Variants in ANO5 observed in about 807,000 individuals in gnomAD.
ANO5 encodes the protein anoctamin-5.
A neutral mutation model predicts 121.0 loss-of-function variants in ANO5; 109 were observed. The ratio of observed to expected loss-of-function variants is 0.90; its 90% CI spans 0.77 to 1.06. The LOEUF is 1.06. Among genes scored for constraint, ANO5 ranks in the 50% least tolerant of loss-of-function variants. The pLI, the probability that ANO5 is intolerant of heterozygous loss-of-function variation, is 0.00. For missense variants in ANO5, 1,064 were observed against 1,078.5 expected, an observed-to-expected ratio of 0.99 and a Z score of 0.19; for synonymous variants, 406 against 359.9, an observed-to-expected ratio of 1.13 and a Z score of -1.45.
chr11:22,234,005 G>A (rs769052883), intron 7 of ANO5, among the ~76,000 whole-genome samples: 6 of 152,026 alleles, frequency 3.9e-5, no homozygotes, highest in Non-Finnish European at 5.9e-5. Flanking sequence ...TTCATCTCCT[G>A]TCATAATTCT....
intron 17 of ANO5, among the ~76,000 whole-genome samples, chr11:22,268,479 A>C (rs1486711096): frequency 2.0e-5 from 3 of 152,186 alleles, no homozygotes; most frequent in Non-Finnish European, 4.4e-5. Flanking sequence ...GGTGTATAGG[A>C]ATGAAATATA....
intron 21 of ANO5, 56 bp from the exon 22 acceptor site, chr11:22,279,488 T>C (rs1475079260): frequency 7.0e-7 from 1 of 1,429,916 alleles, no homozygotes; most frequent in Non-Finnish European, 9.8e-7. Context: ...AAAGACTTTC[T>C]GCTGAGCATG....
intron 19 of ANO5, 90 bp downstream of exon 19, chr11:22,273,079 C>A (rs1319254408): frequency 3.8e-6 from 5 of 1,300,384 alleles, no homozygotes; most frequent in Non-Finnish European, 5.6e-6. Context: ...TACATGATTT[C>A]ATTATGGTGA....
chr11:22,239,457 G>A, intron 8 of ANO5, 112 bp from the exon 9 acceptor site: 2 of 757,436 alleles, frequency 2.6e-6, no homozygotes, highest in Non-Finnish European at 4.7e-6. Context: ...AAATCTAAAA[G>A]TAAAAGAAAA....
intron 13 of ANO5, among the ~76,000 whole-genome samples, chr11:22,257,269 A>T (rs562525419): frequency 6.6e-6 from 1 of 152,174 alleles, no homozygotes; most frequent in Non-Finnish European, 1.5e-5. Flanking sequence ...TGAAAAATAT[A>T]AAGAAAGCAT....
intron 19 of ANO5, among the ~76,000 whole-genome samples, chr11:22,273,444 A>G (rs1314845375): frequency 6.6e-6 from 1 of 152,162 alleles, no homozygotes; most frequent in African/African-American, 2.4e-5. Context: ...ATAATAAGAT[A>G]ATCAAAAAGA....
At chr11:22,251,202 T>C (rs2133705821) in intron 12 of ANO5, among the ~76,000 whole-genome samples, 191 bp downstream of exon 12, 2 of 152,350 alleles carry the variant, frequency 1.3e-5, no homozygotes, top group South Asian at 4.1e-4. Context: ...AAGGTCTCTG[T>C]TAAACATCAG....
chr11:22,248,180 A>G (rs183146061), intron 9 of ANO5, among the ~76,000 whole-genome samples: 1 of 152,242 alleles, frequency 6.6e-6, no homozygotes, highest in East Asian at 1.9e-4. Context: ...CATCTTGGAA[A>G]TACAAAATGA....
rs555761445 is a variant in ANO5, at chr11:22,257,597, G to C, written c.1333-83G>C. On this transcript the variant is annotated intron_variant, in intron 13 of 21. Transcript: ENST00000324559. ...TTTTGGGAGACTCCTACTTTAACTG[G>C]GCTCTGTGATATTGACTAGTGCTTG... The C allele has an allele frequency of 1.5e-4, 169 of 1,128,332 alleles. No homozygotes were observed. In the African/African-American group the frequency reaches 2.4e-3, roughly 16 times the overall value. The allele number at this position is 1,128,332 out of a possible 1,614,324, so 69.9% of individuals were successfully genotyped here.
intron 17 of ANO5, among the ~76,000 whole-genome samples, chr11:22,268,421 T>C (rs1564947426): frequency 6.8e-6 from 1 of 147,098 alleles, no homozygotes; most frequent in Admixed American, 6.6e-5. Context: ...ATTGCTATTG[T>C]AAATGATATC....
intron 1 of ANO5, among the ~76,000 whole-genome samples, chr11:22,201,843 C>G (rs2133510823): frequency 6.6e-6 from 1 of 152,282 alleles, no homozygotes; most frequent in South Asian, 2.1e-4. Context: ...GGGCCTACCT[C>G]TCAACATTGT....
chr11:22,239,555 T>A lies in ANO5; in HGVS notation c.763-14T>A. On this transcript the variant is annotated splice_polypyrimidine_tract_variant and intron_variant, in intron 8 of 21. Transcript: ENST00000324559. ...GCTTCGTCTTTTATGTACCCTCCTCTTGAATATCTGCAGGGCCAATATTGG... is the reference window on the plus strand; with the variant it reads ...GCTTCGTCTTTTATGTACCCTCCTCATGAATATCTGCAGGGCCAATATTGG... 6.3e-7 allele frequency: 1 copy of A among 1,580,038 alleles called. No homozygotes were observed. Among genetic ancestry groups the A allele is most frequent in the Non-Finnish European group, 8.7e-7 (1 of 1,149,264 alleles).
chr11:22,205,338 T>C (rs10833719), intron 2 of ANO5, among the ~76,000 whole-genome samples: 63,453 of 151,854 alleles, frequency 0.42, 15,428 homozygotes, highest in Non-Finnish European at 0.56. Context: ...CTTGTATCTC[T>C]GGACTTAAAC....
rs1379596790 is a variant in ANO5 at position 22,262,406 on chromosome 11, T to G, written c.1800+108T>G. On this transcript the variant is annotated intron_variant, in intron 16 of 21. Coordinates refer to ENST00000324559, the MANE Select transcript of ANO5 (RefSeq NM_213599.3). ...ATGCTAAAAAATTACAAAATATATC[T>G]AGGCACTGACTCTATCCACAGAGAG... 7 of 1,154,132 alleles carry G rather than the reference T, an allele frequency of 6.1e-6. No homozygotes were observed. The Admixed American group carries it at 1.3e-4, about 22-fold the overall frequency. 71.5% of individuals were successfully genotyped at this position (1,154,132 alleles called of 1,614,324 possible).
intron 4 of ANO5, among the ~76,000 whole-genome samples, chr11:22,219,453 A>G (rs573999483): frequency 6.6e-6 from 1 of 152,234 alleles, no homozygotes; most frequent in South Asian, 2.1e-4. Flanking sequence ...CAATACAAGT[A>G]CCTGTAAATA....
intron 17 of ANO5, among the ~76,000 whole-genome samples, chr11:22,267,913 A>G (rs762434288): frequency 2.6e-5 from 4 of 152,148 alleles, no homozygotes; most frequent in Non-Finnish European, 5.9e-5. Context: ...CTCCAGCTCC[A>G]TCCATGTTCC....
chr11:22,272,759 T>G, intron 18 of ANO5, 25 bp from the exon 19 acceptor site: 1 of 1,599,332 alleles, frequency 6.3e-7, no homozygotes, highest in Non-Finnish European at 8.6e-7. Flanking sequence ...AATAATGAGT[T>G]CATGCCTTTT....
intron 17 of ANO5, among the ~76,000 whole-genome samples, chr11:22,268,613 CTTATT>C (rs892009066): frequency 2.6e-5 from 4 of 152,154 alleles, no homozygotes; most frequent in African/African-American, 9.6e-5. Flanking sequence ...TTTTGCCTTT[CTTATT>C]TTATTTTACT....
chr11:22,236,058 C>G, intron 7 of ANO5, 105 bp from the exon 8 acceptor site: 2 of 758,096 alleles, frequency 2.6e-6, no homozygotes, highest in Non-Finnish European at 4.7e-6. Flanking sequence ...ATAATTAGAG[C>G]CTGTATCTAC....
Sources: gnomAD v4.1 joint callset for allele counts (sites outside exome capture counted in the v4.1 genomes callset) on GRCh38, gnomAD v4.1.1 for gene constraint, MANE v1.5 for transcripts, NCBI Gene and HGNC (gene_info 2026-07-23, HGNC 2026-07-21) for gene names.